Variants in TRPC5 observed in about 807,000 individuals in gnomAD.
TRPC5 encodes the protein transient receptor potential cation channel subfamily C member 5, also known as short transient receptor potential channel 5.
Under a neutral mutation model 56.5 loss-of-function variants are expected in TRPC5, and 9 were observed. That is an observed-to-expected ratio of 0.16 (90% CI 0.10 to 0.28). The LOEUF (loss-of-function observed/expected upper bound fraction) is 0.28, where lower values mean the gene tolerates loss of function less well. Ranked by LOEUF, TRPC5 falls within the 10% of genes least tolerant of loss-of-function variation. TRPC5 has a pLI of 1.00. For missense variants in TRPC5, 469 were observed against 748.9 expected (o/e 0.63, Z 4.36); for synonymous variants, 282 against 278.5 (o/e 1.01, Z -0.13).
At chrX:112,028,420 C>A (rs1929482739) in intron 1 of TRPC5, among the ~76,000 whole-genome samples, 2 of 111,148 alleles carry the variant, frequency 1.8e-5, no homozygotes, top group Admixed American at 1.9e-4. Flanking sequence ...TGCAATCGCT[C>A]CCCCAGGCCC....
At chrX:111,927,153 C>T (rs189880227) in intron 2 of TRPC5, among the ~76,000 whole-genome samples, 2 of 112,145 alleles carry the variant, frequency 1.8e-5, no homozygotes, top group East Asian at 5.7e-4. Context: ...GGGGAGCCAT[C>T]CTGTTCATTG....
Position 111,952,036 on chromosome X carries a change from C to A in TRPC5, c.378+7G>T. 1.7e-6 allele frequency: 2 copies of A among 1,198,343 alleles called. No individual in the cohort carries two copies. Among genetic ancestry groups the A allele is most frequent in the South Asian group, 3.7e-5 (2 of 54,722 alleles). On this transcript the variant is annotated splice_region_variant and intron_variant, in intron 2 of 10. Transcript: ENST00000262839. ...GCTATTTCCCAGCCTATAGGAATTT[C>A]TCTTACCTGCTTCTCTCCGCTGGGC...
chrX:111,825,249 TCTC>T (rs1922196179), intron 7 of TRPC5, among the ~76,000 whole-genome samples: 1 of 101,009 alleles, frequency 9.9e-6, no homozygotes, highest in African/African-American at 3.7e-5. Context: ...TCTCTCTCTC[TCTC>T]TCTTTCTTTC....
chrX:111,857,383 G>T (rs1923270748), intron 3 of TRPC5, among the ~76,000 whole-genome samples: 1 of 111,699 alleles, frequency 9.0e-6, no homozygotes, highest in Admixed American at 9.5e-5. Context: ...AGTAATGGAT[G>T]GGGTGTGGGA....
At chrX:111,894,271 TA>T (rs1924954718) in intron 3 of TRPC5, among the ~76,000 whole-genome samples, 1 of 112,031 alleles carries the variant, frequency 8.9e-6, no homozygotes, top group South Asian at 3.7e-4. Flanking sequence ...TTTTCCATCC[TA>T]CTGTTAGACA....
At chrX:112,005,510 C>T (rs1228035013) in intron 1 of TRPC5, among the ~76,000 whole-genome samples, 5 of 109,404 alleles carry the variant, frequency 4.6e-5, no homozygotes, top group Non-Finnish European at 5.7e-5. Context: ...GGTCCCTCTC[C>T]CAGACATTCA....
At chrX:112,020,138 C>T (rs1341482179) in intron 1 of TRPC5, among the ~76,000 whole-genome samples, 5 of 111,936 alleles carry the variant, frequency 4.5e-5, no homozygotes, top group Non-Finnish European at 7.5e-5. Context: ...AGCAATCCTC[C>T]TGCCTTGGCC....
At chrX:111,927,606 A>C (rs1926293904) in intron 2 of TRPC5, among the ~76,000 whole-genome samples, 1 of 111,078 alleles carries the variant, frequency 9.0e-6, no homozygotes, top group South Asian at 3.8e-4. Context: ...GGCTACTCTG[A>C]CAGGGAACTG....
chrX:112,001,602 A>G (rs1202178832), intron 1 of TRPC5, among the ~76,000 whole-genome samples: 1 of 111,361 alleles, frequency 9.0e-6, no homozygotes, highest in African/African-American at 3.3e-5. Flanking sequence ...TCTACTAACA[A>G]TACTAAAAAT....
At chrX:111,787,929 C>T (rs1219938023) in intron 7 of TRPC5, among the ~76,000 whole-genome samples, 1 of 111,271 alleles carries the variant, frequency 9.0e-6, no homozygotes, top group African/African-American at 3.3e-5. Flanking sequence ...TAATAGCCTA[C>T]CAATCAAAAA....
chrX:111,875,589 T>C (rs1923906943), intron 3 of TRPC5, among the ~76,000 whole-genome samples: 1 of 104,875 alleles, frequency 9.5e-6, no homozygotes, highest in African/African-American at 3.6e-5. Context: ...TTTTTTTTTT[T>C]TTTTGGTGTC....
chrX:111,805,718 G>C (rs766074928), intron 7 of TRPC5, among the ~76,000 whole-genome samples: 1 of 111,275 alleles, frequency 9.0e-6, no homozygotes, highest in South Asian at 3.8e-4. Context: ...CTGTCACCCA[G>C]GCTGGAGTGC....
chrX:111,877,106 G>T (rs972078344), intron 3 of TRPC5, among the ~76,000 whole-genome samples: 1 of 111,843 alleles, frequency 8.9e-6, no homozygotes, highest in African/African-American at 3.2e-5. Flanking sequence ...GGAGTAGGGT[G>T]ATAGCATGGC....
At chrX:112,006,276 A>AT (rs1449610503) in intron 1 of TRPC5, among the ~76,000 whole-genome samples, 7 of 111,931 alleles carry the variant, frequency 6.3e-5, no homozygotes. Context: ...AATATGGCCA[A>AT]TTAGATAGGC....
At chrX:112,001,149 T>A (rs1024584834) in intron 1 of TRPC5, among the ~76,000 whole-genome samples, 1 of 112,036 alleles carries the variant, frequency 8.9e-6, no homozygotes, top group Non-Finnish European at 1.9e-5. Flanking sequence ...AGCAGTTAGA[T>A]CCCTAGTTTT....
At chrX:111,959,978 C>T (rs756053053) in intron 1 of TRPC5, among the ~76,000 whole-genome samples, 6 of 111,571 alleles carry the variant, frequency 5.4e-5, no homozygotes, top group South Asian at 7.6e-4. Flanking sequence ...TAGTCTAGCA[C>T]GCTGTCTAGT....
At chrX:111,980,093 TG>T (rs1248051264) in intron 1 of TRPC5, among the ~76,000 whole-genome samples, 1 of 111,387 alleles carries the variant, frequency 9.0e-6, no homozygotes, top group African/African-American at 3.3e-5. Flanking sequence ...AACAGGTAAA[TG>T]GATAAGTAAA....
At chrX:112,016,272 A>G (rs1021222279) in intron 1 of TRPC5, among the ~76,000 whole-genome samples, 2 of 110,924 alleles carry the variant, frequency 1.8e-5, no homozygotes, top group Non-Finnish European at 3.8e-5. Context: ...AGAGGATCAA[A>G]GGCAAGAACA....
At chrX:111,799,202 A>G (rs923723939) in intron 7 of TRPC5, among the ~76,000 whole-genome samples, 2 of 111,090 alleles carry the variant, frequency 1.8e-5, no homozygotes, top group Non-Finnish European at 3.8e-5. Context: ...GCCCTTATCT[A>G]TGAACCTTTT....
Sources: gnomAD v4.1 joint callset for allele counts (sites outside exome capture counted in the v4.1 genomes callset) on GRCh38, gnomAD v4.1.1 for gene constraint, MANE v1.5 for transcripts, NCBI Gene and HGNC (gene_info 2026-07-23, HGNC 2026-07-21) for gene names.